Variants in MYO16 observed in about 807,000 individuals in gnomAD.
MYO16 encodes the protein myosin XVI, also known as unconventional myosin-XVI.
In MYO16, 94 loss-of-function variants were observed where a neutral mutation model predicts 205.3. That is an observed-to-expected ratio of 0.46 (90% CI 0.39 to 0.54). MYO16 has a LOEUF of 0.54. Ranked by LOEUF, MYO16 falls within the 20% of genes least tolerant of loss-of-function variation. MYO16 has a pLI of 0.00. For synonymous variants in MYO16, 988 were observed against 954.0 expected (o/e 1.04, Z -0.66); for missense variants, 2,315 against 2,387.5 (o/e 0.97, Z 0.63).
chr13:108,798,071 T>C (rs1886845268), intron 6 of MYO16, among the ~76,000 whole-genome samples: 1 of 53,864 alleles, frequency 1.9e-5, no homozygotes, highest in Non-Finnish European at 3.8e-5. Flanking sequence ...AAGGCTAGGA[T>C]GCTGTCCCTT....
At chr13:108,595,921 G>C (rs1021967400), upstream of MYO16, among the ~76,000 whole-genome samples, 22 of 129,524 alleles carry the variant, frequency 1.7e-4, no homozygotes, top group Non-Finnish European at 3.2e-4. Context: ...GCAGGCTAAG[G>C]CTTCCCTTTT....
At chr13:108,798,081 T>C (rs1886846090) in intron 6 of MYO16, among the ~76,000 whole-genome samples, 1 of 151,192 alleles carries the variant, frequency 6.6e-6, no homozygotes, top group East Asian at 1.9e-4. Flanking sequence ...TGCTGTCCCT[T>C]GAAGATTACA....
intron 20 of MYO16, among the ~76,000 whole-genome samples, chr13:108,985,811 A>T (rs1884607160): frequency 6.6e-6 from 1 of 152,214 alleles, no homozygotes; most frequent in Admixed American, 6.5e-5. Flanking sequence ...ATATTTATCT[A>T]ATAATCTATC....
Position 108,938,466 on chromosome 13 carries a change from A to G in MYO16, c.1926-19222A>G, listed in dbSNP as rs72654038. On this transcript the variant is annotated intron_variant, in intron 16 of 34. Transcript: ENST00000457511. The stretch of plus-strand genomic sequence containing the variant: ...CCCCTCTTGGCAGGCACAAACCCCA[A>G]TGCTAAGGGAGAATCCAGTGGATGG... 9.2e-5 allele frequency among the ~76,000 whole-genome samples: 14 copies of G among 152,316 alleles called. No homozygotes were observed. In the East Asian group the frequency reaches 1.2e-3, roughly 13 times the overall value.
At chr13:108,570,890 C>A in the MYO16 span, among the ~76,000 whole-genome samples, 18 of 152,122 alleles carry the variant, frequency 1.2e-4, no homozygotes, top group African/African-American at 4.3e-4. Context: ...TTTGGGATGG[C>A]CATTATTTTG....
At chr13:108,673,822 C>A (rs1882093049) in intron 2 of MYO16, among the ~76,000 whole-genome samples, 1 of 152,150 alleles carries the variant, frequency 6.6e-6, no homozygotes. Flanking sequence ...GTGTTCAAAG[C>A]TGAATATAAC....
At chr13:108,865,202 T>G (rs952930055) in intron 11 of MYO16, among the ~76,000 whole-genome samples, 12 of 152,166 alleles carry the variant, frequency 7.9e-5, no homozygotes, top group African/African-American at 2.7e-4. Flanking sequence ...TTGATCAATG[T>G]GGTAATTACT....
chr13:109,188,986 C>T (rs1038928595), intron 34 of MYO16, among the ~76,000 whole-genome samples: 40 of 151,920 alleles, frequency 2.6e-4, no homozygotes, highest in African/African-American at 9.2e-4. Context: ...CCCAGCTACT[C>T]GGGAGGCTGA....
Position 108,962,489 on chromosome 13 carries a change from T to C in MYO16, c.2221T>C (p.Phe741Leu), listed in dbSNP as rs1337459460. ...TGCCTTAACAACTGATATTCAATAT[T>C]TTAAAGGTAATTTTTTTATGCTCTA... is the stretch of plus-strand genomic sequence containing the variant. The part of the protein sequence containing the change: ...ASALTTDIQY[F>L]KGDMIIRRHT... The change falls in exon 19 of 35, where the codon TTT becomes CTT. Residue 741 changes from phenylalanine (F) to leucine (L), a missense_variant. By Grantham distance (22) the Phe-to-Leu change is conservative (BLOSUM62 0). Transcript: ENST00000457511. 12 of 1,575,724 alleles carry C rather than the reference T, an allele frequency of 7.6e-6. No homozygotes were observed. In the East Asian group the frequency reaches 2.8e-4, roughly 36 times the overall value.
At chr13:109,132,183 C>T (rs1876572440) in intron 31 of MYO16, among the ~76,000 whole-genome samples, 2 of 152,184 alleles carry the variant, frequency 1.3e-5, no homozygotes, top group African/African-American at 2.4e-5. Context: ...CTTGGAGTGA[C>T]GGTTGCTCAA....
At chr13:108,613,347 A>G (rs1217963990) in intron 1 of MYO16, among the ~76,000 whole-genome samples, 1 of 152,158 alleles carries the variant, frequency 6.6e-6, no homozygotes, top group Non-Finnish European at 1.5e-5. Context: ...TGCTGAAGAC[A>G]TTCTAAAATT....
intron 15 of MYO16, among the ~76,000 whole-genome samples, chr13:108,902,943 C>T (rs913017297): frequency 5.3e-5 from 8 of 152,126 alleles, no homozygotes; most frequent in African/African-American, 1.4e-4. Context: ...TTCTGAGTAA[C>T]GTGATGAAAT....
intron 16 of MYO16, among the ~76,000 whole-genome samples, chr13:108,955,189 A>C (rs969502418): frequency 6.6e-6 from 1 of 152,194 alleles, no homozygotes; most frequent in Admixed American, 6.5e-5. Context: ...GTCGTCCTAG[A>C]AAGTCAGGTC....
intron 2 of MYO16, among the ~76,000 whole-genome samples, chr13:108,712,405 T>C (rs948417164): frequency 1.3e-5 from 2 of 152,238 alleles, no homozygotes; most frequent in Non-Finnish European, 2.9e-5. Flanking sequence ...CAGTAAACTT[T>C]AAAAAATCTG....
At chr13:108,608,414 C>A (rs1459591846) in intron 1 of MYO16, among the ~76,000 whole-genome samples, 1 of 152,152 alleles carries the variant, frequency 6.6e-6, no homozygotes. Flanking sequence ...TCATGCACAC[C>A]TTGTCTTAAA....
intron 4 of MYO16, among the ~76,000 whole-genome samples, chr13:108,769,972 G>GTTATTTATAGTAATTATGTATAATAATA (rs1885909014): frequency 1.3e-5 from 2 of 152,130 alleles, no homozygotes; most frequent in African/African-American, 4.8e-5. Context: ...GTATAATAAT[G>GTTATTTATAGTAATTATGTATAATAATA]TTATTTATAG....
chr13:108,882,940 T>G, intron 12 of MYO16, 119 bp from the exon 13 acceptor site: 1 of 1,358,470 alleles, frequency 7.4e-7, no homozygotes, highest in Non-Finnish European at 1.0e-6. Context: ...ACCAATGAGA[T>G]TCAGAATTAG....
chr13:108,942,568 A>G (rs1008275595), intron 16 of MYO16, among the ~76,000 whole-genome samples: 8 of 152,200 alleles, frequency 5.3e-5, no homozygotes, highest in Non-Finnish European at 1.0e-4. Context: ...GATCATTGAT[A>G]TTGTGCATAT....
At position 109,162,100 on chromosome 13, in the gene MYO16, GC is replaced by G. The variant is rs1227728501; in HGVS notation, c.5165-2798del. The stretch of plus-strand genomic sequence containing the variant: ...ACTCTGCCTCAAAAAACAAAACAAA[GC>G]CCAAAAAACATGTCTTGGCTATAGT... On this transcript the variant is annotated intron_variant, in intron 32 of 34. Transcript: ENST00000457511. This position sits in a 1 kb window ranked among gnomAD's most constrained non-coding sequence, Gnocchi z 4.6. Among the ~76,000 whole-genome samples, 3 of 152,032 alleles carry G rather than the reference GC, an allele frequency of 2.0e-5. No individual in the cohort carries two copies. Among genetic ancestry groups the G allele is most frequent in the African/African-American group, 7.2e-5 (3 of 41,400 alleles).
Sources: allele counts gnomAD v4.1 joint callset (sites outside exome capture counted in the v4.1 genomes callset), GRCh38; gene constraint gnomAD v4.1.1; non-coding constraint Gnocchi (gnomAD v3.1); transcripts MANE v1.5; gene names NCBI Gene and HGNC (gene_info 2026-07-23, HGNC 2026-07-21).